Variants in GRXCR1 observed in about 807,000 individuals in gnomAD.
The protein encoded by GRXCR1 is glutaredoxin and cysteine rich domain containing 1.
Under a neutral mutation model 27.3 loss-of-function variants are expected in GRXCR1, and 27 were observed. The observed-to-expected ratio is 0.99, with a 90% CI of 0.73 to 1.37. The LOEUF is 1.37. GRXCR1 is among the 40% of genes most tolerant of loss of function. The pLI is 0.00. For missense variants in GRXCR1, 379 were observed against 354.4 expected (o/e 1.07, Z -0.56); for synonymous variants, 122 against 131.1 (o/e 0.93, Z 0.47).
At chr4:43,018,679 A>G (rs1490128741) in intron 2 of GRXCR1, among the ~76,000 whole-genome samples, 1 of 152,160 alleles carries the variant, frequency 6.6e-6, no homozygotes, top group Non-Finnish European at 1.5e-5. Context: ...TTCATTTGAG[A>G]AAAATGGGGG....
At chr4:42,958,592 C>T (rs1748061905) in intron 1 of GRXCR1, among the ~76,000 whole-genome samples, 1 of 151,846 alleles carries the variant, frequency 6.6e-6, no homozygotes, top group South Asian at 2.1e-4. Flanking sequence ...TGCTTCTGTA[C>T]AGCAAATAAG....
chr4:42,922,970 C>T (rs1316638217), intron 1 of GRXCR1, among the ~76,000 whole-genome samples: 2 of 152,092 alleles, frequency 1.3e-5, no homozygotes, highest in African/African-American at 4.8e-5. Flanking sequence ...CTCTCCACTT[C>T]TGTTTTCCTT....
chr4:42,932,345 T>C (rs1026193796), intron 1 of GRXCR1, among the ~76,000 whole-genome samples: 36 of 151,650 alleles, frequency 2.4e-4, no homozygotes, highest in African/African-American at 8.0e-4. Flanking sequence ...CACAGCAGTA[T>C]TCTTACACAA....
chr4:43,007,001 C>A (rs182627894), intron 2 of GRXCR1, among the ~76,000 whole-genome samples: 6 of 152,180 alleles, frequency 3.9e-5, no homozygotes, highest in African/African-American at 1.4e-4. Context: ...AAGGAGCTTA[C>A]ATCCTATTGT....
rs746514888 is a variant in GRXCR1 at position 42,955,544 on chromosome 4, C to T, written c.385-7348C>T. On this transcript the variant is annotated intron_variant, in intron 1 of 3. Transcript: ENST00000399770. ...GTTCCAATTTTCTAATTTTGCTGAACGTCAACTCTGTCTCCTTGTCAAGGA... is the reference window on the plus strand; with the variant it reads ...GTTCCAATTTTCTAATTTTGCTGAATGTCAACTCTGTCTCCTTGTCAAGGA... Among the ~76,000 whole-genome samples, 77 of 152,162 alleles carry T rather than the reference C, an allele frequency of 5.1e-4. No individual in the cohort carries two copies. The Middle Eastern group carries it at 0.017, about 34-fold the overall frequency.
chr4:42,961,197 T>C (rs1327814706), intron 1 of GRXCR1, among the ~76,000 whole-genome samples: 1 of 152,004 alleles, frequency 6.6e-6, no homozygotes. Flanking sequence ...TTTTCATGAC[T>C]GCATAGTATT....
intron 2 of GRXCR1, among the ~76,000 whole-genome samples, chr4:43,010,270 G>A (rs1417384387): frequency 6.6e-6 from 1 of 152,062 alleles, no homozygotes; most frequent in Admixed American, 6.6e-5. Context: ...AGATGTGGTG[G>A]TGAGTGCCTG....
At chr4:42,949,664 C>T (rs1429394606) in intron 1 of GRXCR1, among the ~76,000 whole-genome samples, 1 of 152,152 alleles carries the variant, frequency 6.6e-6, no homozygotes, top group East Asian at 1.9e-4. Context: ...AAAATATTAG[C>T]TTTCTGCACC....
At chr4:42,923,385 C>A (rs1747066992) in intron 1 of GRXCR1, among the ~76,000 whole-genome samples, 1 of 152,108 alleles carries the variant, frequency 6.6e-6, no homozygotes, top group Non-Finnish European at 1.5e-5. Flanking sequence ...CCTCAGTAGT[C>A]CATTCGAGGC....
chr4:42,927,819 T>G (rs1747208592), intron 1 of GRXCR1, among the ~76,000 whole-genome samples: 1 of 151,914 alleles, frequency 6.6e-6, no homozygotes, highest in Admixed American at 6.6e-5. Flanking sequence ...TAAGGGTAAA[T>G]GTTTTAGGTT....
intron 2 of GRXCR1, among the ~76,000 whole-genome samples, chr4:42,982,263 A>T (rs1364827875): frequency 4.7e-4 from 60 of 127,518 alleles, no homozygotes; most frequent in Non-Finnish European, 8.4e-4. Flanking sequence ...TGTCCATGTG[A>T]TCTCATTGTT....
intron 1 of GRXCR1, among the ~76,000 whole-genome samples, chr4:42,943,646 C>T (rs937936948): frequency 6.6e-6 from 1 of 152,028 alleles, no homozygotes; most frequent in Non-Finnish European, 1.5e-5. Flanking sequence ...ACAGCAATGA[C>T]AGATTTATGG....
At chr4:42,961,958 C>T (rs950122156) in intron 1 of GRXCR1, among the ~76,000 whole-genome samples, 3 of 151,924 alleles carry the variant, frequency 2.0e-5, no homozygotes, top group African/African-American at 7.2e-5. Flanking sequence ...TGTGAAGACT[C>T]ATGTATCCCA....
intron 2 of GRXCR1, among the ~76,000 whole-genome samples, chr4:43,018,972 T>C (rs1425590693): frequency 6.6e-6 from 1 of 152,210 alleles, no homozygotes; most frequent in Non-Finnish European, 1.5e-5. Flanking sequence ...CGTTCGTTCA[T>C]ATTGCTTTTG....
intron 2 of GRXCR1, among the ~76,000 whole-genome samples, chr4:42,965,479 T>C (rs970236827): frequency 4.6e-5 from 7 of 152,036 alleles, no homozygotes; most frequent in African/African-American, 1.4e-4. Context: ...ATGGAATACA[T>C]TGCTTGAATT....
intron 1 of GRXCR1, among the ~76,000 whole-genome samples, chr4:42,950,438 T>A (rs1211773679): frequency 1.3e-5 from 2 of 152,194 alleles, no homozygotes; most frequent in African/African-American, 4.8e-5. Flanking sequence ...TTGGTGGTCA[T>A]CCTCATATCA....
chr4:43,024,040 A>G (rs144658076), intron 3 of GRXCR1, among the ~76,000 whole-genome samples: 76 of 152,216 alleles, frequency 5.0e-4, no homozygotes, highest in African/African-American at 1.6e-3. Flanking sequence ...GCTGAGATAT[A>G]TTACCATACC....
chr4:42,927,972 A>G (rs1266783872), intron 1 of GRXCR1, among the ~76,000 whole-genome samples: 2 of 152,054 alleles, frequency 1.3e-5, no homozygotes, highest in Non-Finnish European at 2.9e-5. Context: ...TAAACAAGTT[A>G]CTGCTGTAGA....
Position 43,020,341 on chromosome 4 carries a change from C to G in GRXCR1, c.628-13C>G. ...AAAAATGGATTTTTCTCCCTACTCTCTCTCGTTAATAGGGTGCTGAGAAAA... is the reference window on the plus strand; with the variant it reads ...AAAAATGGATTTTTCTCCCTACTCTGTCTCGTTAATAGGGTGCTGAGAAAA... On this transcript the variant is annotated splice_polypyrimidine_tract_variant and intron_variant, in intron 2 of 3. Coordinates refer to ENST00000399770, the MANE Select transcript of GRXCR1 (RefSeq NM_001080476.3). 1 of 1,580,452 alleles carries G rather than the reference C, an allele frequency of 6.3e-7. No homozygotes were observed. The highest frequency in any genetic ancestry group is 1.1e-5 in the South Asian group (1 of 90,402).
Sources: allele counts gnomAD v4.1 joint callset (sites outside exome capture counted in the v4.1 genomes callset), GRCh38; gene constraint gnomAD v4.1.1; transcripts MANE v1.5; gene names NCBI Gene and HGNC (gene_info 2026-07-23, HGNC 2026-07-21).